Variants in PTPRN2 observed in about 807,000 individuals in gnomAD.
The protein encoded by PTPRN2 is protein tyrosine phosphatase receptor type N2, also known as receptor-type tyrosine-protein phosphatase N2.
PTPRN2 carries 74 observed loss-of-function variants against 118.8 expected under a neutral mutation model. That is an observed-to-expected ratio of 0.62 (90% CI 0.52 to 0.76). The LOEUF is 0.76. PTPRN2 is among the 30% of genes least tolerant of loss of function. PTPRN2 has a pLI of 0.00. For synonymous variants in PTPRN2, 641 were observed against 608.0 expected (o/e 1.05, Z -0.80); for missense variants, 1,481 against 1,394.4 (o/e 1.06, Z -0.99).
intron 2 of PTPRN2, among the ~76,000 whole-genome samples, chr7:158,443,113 G>C (rs555593130): frequency 7.3e-5 from 11 of 151,524 alleles, no homozygotes; most frequent in Non-Finnish European, 1.6e-4. Context: ...TCTTAACCTG[G>C]TCAACAAGCA....
At chr7:158,472,649 T>G (rs777157362) in intron 2 of PTPRN2, among the ~76,000 whole-genome samples, 1 of 152,130 alleles carries the variant, frequency 6.6e-6, no homozygotes, top group Non-Finnish European at 1.5e-5. Context: ...ACCCATCAGT[T>G]AGAGGGAAAT....
intron 11 of PTPRN2, among the ~76,000 whole-genome samples, chr7:157,970,403 G>A (rs563067251): frequency 1.3e-5 from 2 of 152,322 alleles, no homozygotes; most frequent in South Asian, 2.1e-4. Flanking sequence ...AACTAGCAGG[G>A]AGGTGACAAT....
chr7:157,685,637 C>T (rs960603858), intron 12 of PTPRN2, among the ~76,000 whole-genome samples: 7 of 152,138 alleles, frequency 4.6e-5, no homozygotes, highest in Non-Finnish European at 8.8e-5. Flanking sequence ...GAGGCAGACA[C>T]CTGCTGTCGC....
intron 13 of PTPRN2, among the ~76,000 whole-genome samples, chr7:157,656,818 TAC>T (rs71909744): frequency 0.36 from 48,956 of 135,504 alleles, 10,677 homozygotes; most frequent in Middle Eastern, 0.47. Flanking sequence ...CAAACACACA[TAC>T]ACACACACAT....
intron 14 of PTPRN2, among the ~76,000 whole-genome samples, chr7:157,644,914 G>A (rs1199207762): frequency 6.6e-6 from 1 of 152,176 alleles, no homozygotes; most frequent in Non-Finnish European, 1.5e-5. Flanking sequence ...ACGGGCCCGA[G>A]CTACCCAGCC....
intron 13 of PTPRN2, among the ~76,000 whole-genome samples, chr7:157,668,395 C>T (rs562130914): frequency 4.6e-5 from 7 of 152,320 alleles, no homozygotes; most frequent in South Asian, 2.1e-4. Context: ...TGCACGCTTC[C>T]GGGAGCCAAC....
intron 11 of PTPRN2, among the ~76,000 whole-genome samples, chr7:157,904,625 G>T (rs538228389): frequency 6.6e-6 from 1 of 152,238 alleles, no homozygotes; most frequent in African/African-American, 2.4e-5. Context: ...GCGTCTACGC[G>T]TTCCCTTGGC....
intron 3 of PTPRN2, among the ~76,000 whole-genome samples, chr7:158,243,538 G>A (rs1015112411): frequency 4.6e-5 from 7 of 152,202 alleles, no homozygotes; most frequent in African/African-American, 1.7e-4. Flanking sequence ...ACCCCAGAAC[G>A]CTGTCCCAGC....
At chr7:158,258,558 G>A (rs955199226) in intron 3 of PTPRN2, among the ~76,000 whole-genome samples, 4 of 152,164 alleles carry the variant, frequency 2.6e-5, no homozygotes, top group Admixed American at 6.5e-5. Flanking sequence ...GGATGGGGGC[G>A]ACCACATCAG....
At chr7:158,193,347 C>A (rs1465625227) in intron 4 of PTPRN2, among the ~76,000 whole-genome samples, 1 of 152,216 alleles carries the variant, frequency 6.6e-6, no homozygotes, top group Non-Finnish European at 1.5e-5. Flanking sequence ...GCTCAGAGTC[C>A]CTGAGAAAGC....
intron 19 of PTPRN2, 66 bp downstream of exon 19, chr7:157,576,547 G>A (rs987191064): frequency 2.5e-5 from 35 of 1,428,198 alleles, no homozygotes; most frequent in Admixed American, 4.8e-5. Flanking sequence ...CAGGAGCACC[G>A]AAGCCTCGCT....
chr7:157,571,202 T>TAAAA (rs56184271), intron 20 of PTPRN2, among the ~76,000 whole-genome samples: 29 of 129,524 alleles, frequency 2.2e-4, no homozygotes, highest in Non-Finnish European at 2.5e-4. Flanking sequence ...GCAACAGAGT[T>TAAAA]AAAAAAAAAA....
chr7:158,473,929 T>C (rs1257471718), intron 2 of PTPRN2, among the ~76,000 whole-genome samples: 3 of 152,212 alleles, frequency 2.0e-5, no homozygotes, highest in Non-Finnish European at 2.9e-5. Flanking sequence ...TGATATCTAA[T>C]TTACTTAATG....
At chr7:158,329,576 T>A (rs1803965791) in intron 2 of PTPRN2, among the ~76,000 whole-genome samples, 1 of 152,164 alleles carries the variant, frequency 6.6e-6, no homozygotes, top group African/African-American at 2.4e-5. Flanking sequence ...ACACCAGACG[T>A]CAACCCTGCC....
chr7:157,857,107 G>A (rs1016878462), intron 12 of PTPRN2, among the ~76,000 whole-genome samples: 17 of 150,552 alleles, frequency 1.1e-4, no homozygotes, highest in African/African-American at 3.9e-4. Context: ...CATCGGCATT[G>A]CTGGTGGAGC....
intron 12 of PTPRN2, among the ~76,000 whole-genome samples, chr7:157,825,489 ACACT>A (rs1420516347): frequency 6.6e-6 from 1 of 152,164 alleles, no homozygotes; most frequent in Admixed American, 6.5e-5. Context: ...ATTTTCTGTC[ACACT>A]CAGTCACACT....
chr7:158,270,919 GACCA>G (rs1798404909), intron 3 of PTPRN2, among the ~76,000 whole-genome samples: 6 of 60,450 alleles, frequency 9.9e-5, no homozygotes, highest in African/African-American at 1.5e-4. Context: ...CCCCCACCTG[GACCA>G]CCCCCCCCAC....
chr7:158,198,603 T>C (rs6942460), intron 4 of PTPRN2, among the ~76,000 whole-genome samples: 6,568 of 152,334 alleles, frequency 0.043, 463 homozygotes, highest in African/African-American at 0.15. Context: ...TCCCTGTTCC[T>C]GCCTCAGGAG....
chr7:158,181,198 C>T (rs928329732), intron 5 of PTPRN2, among the ~76,000 whole-genome samples: 1 of 152,166 alleles, frequency 6.6e-6, no homozygotes, highest in East Asian at 1.9e-4. Flanking sequence ...TTGAGATAAT[C>T]GTATGGTGTT....
Sources: gnomAD v4.1 joint callset for allele counts (sites outside exome capture counted in the v4.1 genomes callset) on GRCh38, gnomAD v4.1.1 for gene constraint, MANE v1.5 for transcripts, NCBI Gene and HGNC (gene_info 2026-07-23, HGNC 2026-07-21) for gene names.